Variants in FAM168A observed in about 807,000 individuals in gnomAD.
FAM168A encodes family with sequence similarity 168 member A, also known as protein FAM168A.
FAM168A carries 3 observed loss-of-function variants against 28.5 expected under a neutral mutation model. That is an observed-to-expected ratio of 0.11 (90% CI 0.05 to 0.27). The LOEUF is 0.27. Ranked by LOEUF, FAM168A falls within the 10% of genes least tolerant of loss-of-function variation. The pLI is 1.00. For missense variants in FAM168A, 222 were observed against 311.5 expected (o/e 0.71, Z 2.16); for synonymous variants, 122 against 124.2 (o/e 0.98, Z 0.12).
At chr11:73,420,115 T>TG in intron 3 of FAM168A, 116 bp from the exon 4 acceptor site, 1 of 1,245,800 alleles carries the variant, frequency 8.0e-7, no homozygotes, top group Non-Finnish European at 1.1e-6. Flanking sequence ...AGGGGCCTGT[T>TG]CAGACACATG....
In FAM168A at chr11:73,545,003, A is replaced by AAT. The variant is rs1565291905; in HGVS notation, c.-19+52919_-19+52920insAT. Reference sequence around the variant, plus strand: ...ATATATTTTATATATAGTATATATAATATACTATATATATAGTATATATAA... The same window carrying AAT: ...ATATATTTTATATATAGTATATATAAATTATACTATATATATAGTATATATAA... On this transcript the variant is annotated intron_variant, in intron 1 of 7. Transcript: ENST00000356467. Among the ~76,000 whole-genome samples the AAT allele has an allele frequency of 1.0e-4, 9 of 85,976 alleles. 2 individuals are homozygous for AAT. Among genetic ancestry groups the AAT allele is most frequent in the African/African-American group, 7.2e-4 (9 of 12,504 alleles). The allele number at this position is 85,976 out of a possible 152,430, so 56.4% of individuals were successfully genotyped here. A position where few individuals can be genotyped will look rare whatever the true frequency, so the allele number is the denominator to read the frequency against.
At chr11:73,585,607 C>T (rs1473837221) in intron 1 of FAM168A, among the ~76,000 whole-genome samples, 1 of 152,126 alleles carries the variant, frequency 6.6e-6, no homozygotes, top group Non-Finnish European at 1.5e-5. Flanking sequence ...GTGGCTCACG[C>T]CTGTAACTCC....
chr11:73,439,875 G>A (rs1867160139), intron 2 of FAM168A, among the ~76,000 whole-genome samples: 1 of 142,220 alleles, frequency 7.0e-6, no homozygotes, highest in Non-Finnish European at 1.5e-5. Context: ...TGTCTCTCAG[G>A]TCACTTTTTT....
chr11:73,415,196 A>T (rs1406752955), intron 4 of FAM168A, among the ~76,000 whole-genome samples: 2 of 152,274 alleles, frequency 1.3e-5, no homozygotes, highest in African/African-American at 4.8e-5. Flanking sequence ...CACCCTTGGC[A>T]GCCAAAGAGA....
chr11:73,586,416 A>T (rs538583579), intron 1 of FAM168A, among the ~76,000 whole-genome samples: 5 of 152,304 alleles, frequency 3.3e-5, no homozygotes, highest in African/African-American at 1.2e-4. Flanking sequence ...CCCCATCTCA[A>T]GAAAAATAAA....
intron 1 of FAM168A, among the ~76,000 whole-genome samples, chr11:73,544,728 GTAATTATA>G: frequency 9.8e-6 from 1 of 101,628 alleles, no homozygotes; most frequent in Admixed American, 1.2e-4. Context: ...TATTTTATAT[GTAATTATA>G]TATAATTATA....
intron 1 of FAM168A, among the ~76,000 whole-genome samples, chr11:73,585,736 C>G (rs1182600221): frequency 6.6e-6 from 1 of 151,860 alleles, no homozygotes; most frequent in Admixed American, 6.6e-5. Flanking sequence ...AGCATGGTGG[C>G]ACGCGCCCGT....
chr11:73,558,764 A>G (rs1417344500), intron 1 of FAM168A, among the ~76,000 whole-genome samples: 1 of 152,210 alleles, frequency 6.6e-6, no homozygotes. Flanking sequence ...ACTCATTACA[A>G]TAGCTATTTA....
At chr11:73,491,151 T>C (rs1314756578) in intron 1 of FAM168A, among the ~76,000 whole-genome samples, 1 of 152,046 alleles carries the variant, frequency 6.6e-6, no homozygotes, top group African/African-American at 2.4e-5. Context: ...AACACACATA[T>C]ATACACATAC....
chr11:73,475,971 G>A (rs1193094971), intron 1 of FAM168A, among the ~76,000 whole-genome samples: 1 of 152,192 alleles, frequency 6.6e-6, no homozygotes, highest in East Asian at 1.9e-4. Context: ...ACTAGTTGGT[G>A]CAGGCAACAG....
At chr11:73,562,177 G>A (rs1017532156) in intron 1 of FAM168A, among the ~76,000 whole-genome samples, 5 of 152,180 alleles carry the variant, frequency 3.3e-5, no homozygotes, top group Non-Finnish European at 5.9e-5. Context: ...TCCTGACTTC[G>A]TGATCCGCCT....
At chr11:73,596,135 A>C (rs1273240057) in intron 1 of FAM168A, among the ~76,000 whole-genome samples, 1 of 152,196 alleles carries the variant, frequency 6.6e-6, no homozygotes, top group Non-Finnish European at 1.5e-5. Context: ...CTTTTTGCCT[A>C]TGTGCTTGTT....
intron 1 of FAM168A, among the ~76,000 whole-genome samples, chr11:73,541,025 T>C (rs1943650385): frequency 6.6e-6 from 1 of 152,104 alleles, no homozygotes; most frequent in Non-Finnish European, 1.5e-5. Context: ...TCCAACATGC[T>C]GAAACTCCCT....
intron 2 of FAM168A, among the ~76,000 whole-genome samples, chr11:73,437,696 A>G (rs2134522775): frequency 6.6e-6 from 1 of 152,060 alleles, no homozygotes; most frequent in African/African-American, 2.4e-5. Context: ...AGGCTGAGGC[A>G]GGAGAACTGC....
chr11:73,584,242 T>C (rs557230783), intron 1 of FAM168A, among the ~76,000 whole-genome samples: 13 of 151,748 alleles, frequency 8.6e-5, no homozygotes, highest in Non-Finnish European at 1.9e-4. Flanking sequence ...GCATGATCAG[T>C]GCTCCCTGCA....
intron 1 of FAM168A, among the ~76,000 whole-genome samples, chr11:73,510,468 G>C (rs1016470442): frequency 6.6e-6 from 1 of 152,110 alleles, no homozygotes; most frequent in Non-Finnish European, 1.5e-5. Flanking sequence ...ATCTGGGTAA[G>C]TATTAGGTTA....
intron 3 of FAM168A, among the ~76,000 whole-genome samples, chr11:73,423,508 A>G (rs1565237882): frequency 6.6e-6 from 1 of 152,188 alleles, no homozygotes; most frequent in Non-Finnish European, 1.5e-5. Context: ...CTACAGCCAC[A>G]GAAACTGCTT....
intron 2 of FAM168A, among the ~76,000 whole-genome samples, chr11:73,461,052 C>T (rs1377147792): frequency 6.6e-6 from 1 of 152,164 alleles, no homozygotes; most frequent in Non-Finnish European, 1.5e-5. Flanking sequence ...AGTCAATATT[C>T]ATGGCATGCA....
chr11:73,474,185 A>G (rs752633426), intron 1 of FAM168A, among the ~76,000 whole-genome samples: 1 of 152,192 alleles, frequency 6.6e-6, no homozygotes, highest in Non-Finnish European at 1.5e-5. Flanking sequence ...GTAATTAATA[A>G]TGAACAGAAA....
Sources: gnomAD v4.1 joint callset for allele counts (sites outside exome capture counted in the v4.1 genomes callset) on GRCh38, gnomAD v4.1.1 for gene constraint, MANE v1.5 for transcripts, NCBI Gene and HGNC (gene_info 2026-07-23, HGNC 2026-07-21) for gene names.